Variants in TRIQK observed in about 807,000 individuals in gnomAD.
TRIQK encodes triple QxxK/R motif containing.
Under a neutral mutation model 10.8 loss-of-function variants are expected in TRIQK, and 10 were observed. The ratio of observed to expected loss-of-function variants is 0.92; its 90% CI spans 0.57 to 1.57. The LOEUF is 1.57. Among genes scored for constraint, TRIQK ranks in the 40% most tolerant of loss-of-function variants. TRIQK has a pLI of 0.00. For synonymous variants in TRIQK, 33 were observed against 33.7 expected, an observed-to-expected ratio of 0.98 and a Z score of 0.07; for missense variants, 107 against 97.7, an observed-to-expected ratio of 1.09 and a Z score of -0.40.
intron 4 of TRIQK, among the ~76,000 whole-genome samples, chr8:92,889,687 A>G (rs16915333): frequency 0.054 from 8,216 of 151,704 alleles, 486 homozygotes; most frequent in African/African-American, 0.14. Flanking sequence ...TGACTTCTAC[A>G]CATTCAATTC....
intron 2 of TRIQK, among the ~76,000 whole-genome samples, chr8:92,944,820 T>C (rs1263733455): frequency 6.6e-6 from 1 of 152,132 alleles, no homozygotes; most frequent in Non-Finnish European, 1.5e-5. Context: ...TTAACAAATA[T>C]GGTATTGTAT....
intron 2 of TRIQK, among the ~76,000 whole-genome samples, chr8:92,931,293 C>T (rs1810709978): frequency 6.6e-6 from 1 of 152,040 alleles, no homozygotes; most frequent in African/African-American, 2.4e-5. Context: ...ATGCATTTTA[C>T]ATTGAAACAA....
At chr8:92,943,075 T>TAA (rs568414238) in intron 2 of TRIQK, among the ~76,000 whole-genome samples, 2 of 138,376 alleles carry the variant, frequency 1.4e-5, no homozygotes. Flanking sequence ...TTACAATAGC[T>TAA]AAAAAAAAAA....
intron 1 of TRIQK, among the ~76,000 whole-genome samples, chr8:93,016,646 A>G (rs1351880872): frequency 6.6e-6 from 1 of 152,244 alleles, no homozygotes; most frequent in African/African-American, 2.4e-5. Flanking sequence ...AAGGCAAGGC[A>G]TGATGAAGAT....
intron 2 of TRIQK, among the ~76,000 whole-genome samples, chr8:92,925,427 G>C (rs2130515200): frequency 6.6e-6 from 1 of 152,056 alleles, no homozygotes. Flanking sequence ...TGCTTATCAA[G>C]ACACCAATAA....
chr8:92,903,709 T>C (rs1809082009), intron 3 of TRIQK, among the ~76,000 whole-genome samples: 1 of 152,104 alleles, frequency 6.6e-6, no homozygotes, highest in Non-Finnish European at 1.5e-5. Context: ...GTTATCATAT[T>C]TAACTATTTA....
chr8:92,923,397 T>C (rs1017884145), intron 2 of TRIQK, among the ~76,000 whole-genome samples: 3 of 151,772 alleles, frequency 2.0e-5, no homozygotes, highest in African/African-American at 7.2e-5. Flanking sequence ...AATACCAAGA[T>C]TGTTTTCACA....
At chr8:92,936,862 T>C (rs1811012717) in intron 2 of TRIQK, among the ~76,000 whole-genome samples, 1 of 151,714 alleles carries the variant, frequency 6.6e-6, no homozygotes, top group Non-Finnish European at 1.5e-5. Flanking sequence ...ACAAAATCTA[T>C]AAAGCAGCTA....
intron 4 of TRIQK, among the ~76,000 whole-genome samples, chr8:92,888,439 A>G (rs1816595123): frequency 6.6e-6 from 1 of 151,682 alleles, no homozygotes. Context: ...TTAATTCATT[A>G]CATCTGTTCA....
At chr8:92,990,732 T>C (rs1187187763) in intron 1 of TRIQK, among the ~76,000 whole-genome samples, 1 of 152,158 alleles carries the variant, frequency 6.6e-6, no homozygotes, top group African/African-American at 2.4e-5. Flanking sequence ...CCAGGTAGTA[T>C]GCTTTTCCCA....
At chr8:92,923,782 C>G (rs1178768554) in intron 2 of TRIQK, among the ~76,000 whole-genome samples, 1 of 151,812 alleles carries the variant, frequency 6.6e-6, no homozygotes, top group East Asian at 1.9e-4. Context: ...AGCAATTTTG[C>G]GAACTGTATT....
intron 3 of TRIQK, among the ~76,000 whole-genome samples, chr8:92,909,651 G>A (rs1191715007): frequency 6.6e-6 from 1 of 151,718 alleles, no homozygotes; most frequent in Non-Finnish European, 1.5e-5. Flanking sequence ...TAAGCTTAGA[G>A]CTGCTAAAGA....
chr8:92,911,416 A>G (rs1037715145), intron 3 of TRIQK, among the ~76,000 whole-genome samples: 1 of 151,302 alleles, frequency 6.6e-6, no homozygotes, highest in Non-Finnish European at 1.5e-5. Flanking sequence ...ATGACAATAA[A>G]AAGCCCTTAC....
intron 1 of TRIQK, among the ~76,000 whole-genome samples, chr8:93,012,692 A>G (rs1427627216): frequency 6.6e-6 from 1 of 152,174 alleles, no homozygotes; most frequent in African/African-American, 2.4e-5. Flanking sequence ...AAAGTGACGC[A>G]CCAGCTTAAA....
chr8:93,006,207 C>T (rs995501810), intron 1 of TRIQK, among the ~76,000 whole-genome samples: 2 of 152,066 alleles, frequency 1.3e-5, no homozygotes, highest in Admixed American at 6.6e-5. Context: ...GTCAGAGGCT[C>T]CCATCTAGAA....
chr8:92,893,653 T>C (rs1816871030), intron 3 of TRIQK, among the ~76,000 whole-genome samples: 1 of 152,056 alleles, frequency 6.6e-6, no homozygotes, highest in African/African-American at 2.4e-5. Context: ...AGTCAAACTA[T>C]TCATGTCATT....
chr8:92,998,080 T>A (rs1234752837), intron 1 of TRIQK, among the ~76,000 whole-genome samples: 1 of 151,916 alleles, frequency 6.6e-6, no homozygotes, highest in Non-Finnish European at 1.5e-5. Flanking sequence ...TTAATACAAA[T>A]GAAAACAGTA....
At chr8:93,006,015 G>A (rs1263056001) in intron 1 of TRIQK, among the ~76,000 whole-genome samples, 7 of 130,950 alleles carry the variant, frequency 5.3e-5, no homozygotes, top group Admixed American at 7.7e-5. Flanking sequence ...TGCTAATAGC[G>A]AACTATCTAA....
At chr8:92,947,585 A>AG (rs1278411293) in intron 2 of TRIQK, among the ~76,000 whole-genome samples, 2 of 82,658 alleles carry the variant, frequency 2.4e-5, no homozygotes, top group Non-Finnish European at 5.1e-5. Flanking sequence ...ACTCCGCCTC[A>AG]GGAAAAAAAA....
Sources: gnomAD v4.1 joint callset for allele counts (sites outside exome capture counted in the v4.1 genomes callset) on GRCh38, gnomAD v4.1.1 for gene constraint, MANE v1.5 for transcripts, NCBI Gene and HGNC (gene_info 2026-07-23, HGNC 2026-07-21) for gene names.